Variants in KATNAL1 observed in about 807,000 individuals in gnomAD.
The protein encoded by KATNAL1 is katanin catalytic subunit A1 like 1.
A neutral mutation model predicts 55.2 loss-of-function variants in KATNAL1; 32 were observed. The ratio of observed to expected loss-of-function variants is 0.58; its 90% CI spans 0.44 to 0.78. The LOEUF (loss-of-function observed/expected upper bound fraction) is 0.78, where lower values mean the gene tolerates loss of function less well. Ranked by LOEUF, KATNAL1 falls within the 30% of genes least tolerant of loss-of-function variation. The pLI is 0.00. For synonymous variants in KATNAL1, 193 were observed against 193.6 expected (o/e 1.00, Z 0.02); for missense variants, 466 against 600.9 (o/e 0.78, Z 2.35).
intron 3 of KATNAL1, among the ~76,000 whole-genome samples, chr13:30,265,391 A>G (rs1879673665): frequency 7.5e-6 from 1 of 134,158 alleles, no homozygotes; most frequent in African/African-American, 2.6e-5. Flanking sequence ...AATTTAAAAA[A>G]TAAAAAATAA....
chr13:30,217,232 C>T (rs1424660868), intron 9 of KATNAL1, among the ~76,000 whole-genome samples: 1 of 152,160 alleles, frequency 6.6e-6, no homozygotes, highest in African/African-American at 2.4e-5. Context: ...GCGGGAGGAT[C>T]ATGAGGTCAG....
At chr13:30,227,095 G>A (rs1461229241) in intron 9 of KATNAL1, among the ~76,000 whole-genome samples, 1 of 73,518 alleles carries the variant, frequency 1.4e-5, no homozygotes, top group African/African-American at 5.6e-5. Flanking sequence ...AAATAAATAT[G>A]TGTACACACA....
intron 1 of KATNAL1, among the ~76,000 whole-genome samples, chr13:30,301,910 C>T (rs1882880723): frequency 6.6e-6 from 1 of 152,178 alleles, no homozygotes; most frequent in Non-Finnish European, 1.5e-5. Context: ...CTCACTCTGT[C>T]GCCCAGCCTG....
rs1174372697 is a variant in KATNAL1 at position 30,205,602 on chromosome 13, AAGAC to A, written c.*2934_*2937del. ...AGGCAACACACTGTCTTCTGCAATA[AAGAC>A]AGTCAGAGTGTGTGTGTGTGTGTGT... is the stretch of plus-strand genomic sequence containing the variant. On this transcript the variant is annotated 3_prime_UTR_variant, in exon 11 of 11. Coordinates refer to ENST00000380615, the MANE Select transcript of KATNAL1 (RefSeq NM_032116.5). The A allele has an allele frequency of 1.3e-5, 2 of 149,394 alleles. No individual in the cohort carries two copies. Among genetic ancestry groups the A allele is most frequent in the Non-Finnish European group, 3.0e-5 (2 of 67,772 alleles). 9.3% of individuals were successfully genotyped at this position (149,394 alleles called of 1,614,324 possible).
chr13:30,288,755 A>C (rs142434275), intron 1 of KATNAL1, among the ~76,000 whole-genome samples: 113 of 152,344 alleles, frequency 7.4e-4, no homozygotes, highest in African/African-American at 2.6e-3. Context: ...GTTTGCAATA[A>C]AGCCTTACAA....
At position 30,207,559 on chromosome 13, in the gene KATNAL1, G is replaced by C. The variant is rs1007448586; in HGVS notation, c.*981C>G. Reference sequence around the variant, plus strand: ...ACTCAAGAAAAATCAAACAATGCTGGAGCTGAGAAAAATAATGGCTATATA... The same window carrying C: ...ACTCAAGAAAAATCAAACAATGCTGCAGCTGAGAAAAATAATGGCTATATA... On this transcript the variant is annotated 3_prime_UTR_variant, in exon 11 of 11. Coordinates refer to ENST00000380615, the MANE Select transcript of KATNAL1 (RefSeq NM_032116.5). The C allele has an allele frequency of 6.6e-6, 1 of 152,148 alleles. No homozygotes were observed. The highest frequency in any genetic ancestry group is 1.5e-5 in the Non-Finnish European group (1 of 68,016). 9.4% of individuals were successfully genotyped at this position (152,148 alleles called of 1,614,324 possible).
At chr13:30,297,458 GA>G (rs769819368) in intron 1 of KATNAL1, among the ~76,000 whole-genome samples, 2 of 152,218 alleles carry the variant, frequency 1.3e-5, no homozygotes, top group African/African-American at 2.4e-5. Flanking sequence ...GCAGTTTAGA[GA>G]TTTCTCAAAG....
chr13:30,249,058 C>CAA (rs71093034), intron 4 of KATNAL1, among the ~76,000 whole-genome samples: 2,424 of 140,680 alleles, frequency 0.017, 44 homozygotes, highest in African/African-American at 0.046. Flanking sequence ...GACTCCGTCT[C>CAA]AAAAAAAAAA....
intron 9 of KATNAL1, among the ~76,000 whole-genome samples, chr13:30,224,176 T>C (rs76786495): frequency 0.016 from 2,416 of 152,120 alleles, 58 homozygotes; most frequent in African/African-American, 0.055. Flanking sequence ...AAATATGATA[T>C]AGCAAAATTT....
At chr13:30,223,479 A>G in intron 9 of KATNAL1, among the ~76,000 whole-genome samples, 1 of 151,238 alleles carries the variant, frequency 6.6e-6, no homozygotes, top group South Asian at 2.1e-4. Context: ...TGCACCGTAA[A>G]TATAAAGACA....
chr13:30,274,905 G>GCACACA (rs1212571978), intron 3 of KATNAL1, among the ~76,000 whole-genome samples: 139 of 84,328 alleles, frequency 1.6e-3, no homozygotes, highest in East Asian at 5.7e-3. Flanking sequence ...GCGCGCGCGC[G>GCACACA]CGCACACACA....
intron 3 of KATNAL1, among the ~76,000 whole-genome samples, chr13:30,269,393 G>A (rs997909461): frequency 6.6e-6 from 1 of 152,234 alleles, no homozygotes; most frequent in African/African-American, 2.4e-5. Context: ...GCTCAATGGT[G>A]CCCAGGCTGG....
chr13:30,272,121 C>T (rs1204430356), intron 3 of KATNAL1, among the ~76,000 whole-genome samples: 1 of 151,962 alleles, frequency 6.6e-6, no homozygotes, highest in Non-Finnish European at 1.5e-5. Context: ...AAAAAGGGGC[C>T]GGGAGCAGTG....
At chr13:30,254,479 A>C (rs987306331) in intron 4 of KATNAL1, among the ~76,000 whole-genome samples, 1 of 152,228 alleles carries the variant, frequency 6.6e-6, no homozygotes, top group Non-Finnish European at 1.5e-5. Flanking sequence ...AAATAGAAAT[A>C]TTCAGAAAAC....
intron 7 of KATNAL1, among the ~76,000 whole-genome samples, chr13:30,230,971 ACT>A (rs1876042371): frequency 6.6e-6 from 1 of 152,174 alleles, no homozygotes; most frequent in South Asian, 2.1e-4. Context: ...GACGGGTCAG[ACT>A]CTGATTTTTA....
chr13:30,214,323 A>G (rs1873991834), intron 9 of KATNAL1, among the ~76,000 whole-genome samples: 1 of 152,224 alleles, frequency 6.6e-6, no homozygotes, highest in Non-Finnish European at 1.5e-5. Context: ...GGAAGAATCA[A>G]TATCGTGAAA....
chr13:30,253,090 T>C (rs1203934113), intron 4 of KATNAL1, among the ~76,000 whole-genome samples: 1 of 152,216 alleles, frequency 6.6e-6, no homozygotes, highest in Non-Finnish European at 1.5e-5. Flanking sequence ...AGTGGGTATC[T>C]ATTAGTTTCA....
intron 3 of KATNAL1, among the ~76,000 whole-genome samples, chr13:30,258,210 T>G (rs774674914): frequency 7.2e-5 from 11 of 152,252 alleles, no homozygotes; most frequent in Non-Finnish European, 1.5e-4. Context: ...CTGTGTTCAA[T>G]TCTCCTATTT....
chr13:30,250,414 A>G (rs1316871175), intron 4 of KATNAL1, among the ~76,000 whole-genome samples: 1 of 152,220 alleles, frequency 6.6e-6, no homozygotes, highest in Non-Finnish European at 1.5e-5. Context: ...TTTAATGTGT[A>G]TACACACATA....
Sources: allele counts gnomAD v4.1 joint callset (sites outside exome capture counted in the v4.1 genomes callset), GRCh38; gene constraint gnomAD v4.1.1; transcripts MANE v1.5; gene names NCBI Gene and HGNC (gene_info 2026-07-23, HGNC 2026-07-21).